OR51L1: variants seen among roughly 807,000 people sequenced by gnomAD.
OR51L1 encodes the protein olfactory receptor 51L1.
Under a neutral mutation model 1.4 loss-of-function variants are expected in OR51L1, and 1 was observed. The observed-to-expected ratio is 0.72, with a 90% CI of 0.26 to 3.42. The LOEUF is 3.42. OR51L1 is among the 30% of genes most tolerant of loss of function. OR51L1 has a pLI of 0.20. For synonymous variants in OR51L1, 156 were observed against 144.2 expected, an observed-to-expected ratio of 1.08 and a Z score of -0.59; for missense variants, 378 against 380.0, an observed-to-expected ratio of 0.99 and a Z score of 0.04.
Position 4,994,900 on chromosome 11 carries a change from T to G in OR51L1, c.-697T>G, listed in dbSNP as rs1847054203. On this transcript the variant is annotated 5_prime_UTR_variant, in exon 1 of 3. Transcript: ENST00000641819. ...TTCATAGAGACTTAAAATTGTAGCA[T>G]CTTTAATCAGTACAGGTTTGATTTT... 1 of 152,152 alleles carries G rather than the reference T, an allele frequency of 6.6e-6. No homozygotes were observed. Among genetic ancestry groups the G allele is most frequent in the Admixed American group, 6.6e-5 (1 of 15,252 alleles). 9.4% of individuals were successfully genotyped at this position (152,152 alleles called of 1,614,324 possible).
intron 2 of OR51L1, among the ~76,000 whole-genome samples, chr11:4,998,472 A>G (rs1055766657): frequency 6.6e-6 from 1 of 151,924 alleles, no homozygotes; most frequent in Admixed American, 6.6e-5. Flanking sequence ...AAATGTTTAA[A>G]TATTATAAAT....
In OR51L1 at chr11:4,994,998, A is replaced by G. The variant is rs1847054909; in HGVS notation, c.-599A>G. 1 of 152,240 alleles carries G rather than the reference A, an allele frequency of 6.6e-6. No homozygotes were observed. The highest frequency in any genetic ancestry group is 6.6e-5 in the Admixed American group (1 of 15,260). 9.4% of individuals were successfully genotyped at this position (152,240 alleles called of 1,614,324 possible). On this transcript the variant is annotated 5_prime_UTR_variant, in exon 1 of 3. Coordinates refer to ENST00000641819, the MANE Select transcript of OR51L1 (RefSeq NM_001004755.2). ...GCAGCAACTTAAACCACAGACACACAAAGAGAAATTAGAAGAAAGAAACAG... is the reference window on the plus strand; with the variant it reads ...GCAGCAACTTAAACCACAGACACACGAAGAGAAATTAGAAGAAAGAAACAG...
Position 4,999,938 on chromosome 11 carries a change from C to T in OR51L1, c.*8C>T, listed in dbSNP as rs765005152. ...CTAAGGAGGAGGTTTTAAGTAACCT[C>T]TGTCCTCCAACTTTTCCACTGAAAA... On this transcript the variant is annotated 3_prime_UTR_variant, in exon 3 of 3. Transcript: ENST00000641819. 3 of 1,581,752 alleles carry T rather than the reference C, an allele frequency of 1.9e-6. No homozygotes were observed. Among genetic ancestry groups the T allele is most frequent in the African/African-American group, 2.7e-5 (2 of 73,778 alleles).
chr11:5,004,791 G>T lies in OR51L1; in HGVS notation c.*4861G>T, dbSNP rs143734431. 1.6e-4 allele frequency: 24 copies of T among 152,228 alleles called. No individual in the cohort carries two copies. The East Asian group carries it at 4.6e-3, about 29-fold the overall frequency. The allele number at this position is 152,228 out of a possible 1,614,324, so 9.4% of individuals were successfully genotyped here. A position where few individuals can be genotyped will look rare whatever the true frequency, so the allele number is the denominator to read the frequency against. On this transcript the variant is annotated 3_prime_UTR_variant, in exon 3 of 3. Transcript: ENST00000641819. ...GATATTATCAATGATGTCCTTCTGT[G>T]TAATTTTTGAAAGTTGTAAGGCTTT... is the stretch of plus-strand genomic sequence containing the variant.
intron 1 of OR51L1, among the ~76,000 whole-genome samples, chr11:4,996,753 C>CTTTCTTTCTT (rs1847076066): frequency 3.1e-5 from 4 of 130,936 alleles, no homozygotes; most frequent in Non-Finnish European, 5.0e-5. Context: ...TTCTTTCTTT[C>CTTTCTTTCTT]TTTCTTTCTT....
chr11:5,000,994 C>T lies in OR51L1; in HGVS notation c.*1064C>T, dbSNP rs551833811. 6.6e-6 allele frequency: 1 copy of T among 152,254 alleles called. No homozygotes were observed. Among genetic ancestry groups the T allele is most frequent in the Non-Finnish European group, 1.5e-5 (1 of 68,112 alleles). The allele number at this position is 152,254 out of a possible 1,614,324, so 9.4% of individuals were successfully genotyped here. A position where few individuals can be genotyped will look rare whatever the true frequency, so the allele number is the denominator to read the frequency against. ...ATGGCGTGATCTCTGCTCACTGCAA[C>T]CTTCGCCTCCTAGGTTCAAGCAATT... On this transcript the variant is annotated 3_prime_UTR_variant, in exon 3 of 3. Coordinates refer to ENST00000641819, the MANE Select transcript of OR51L1 (RefSeq NM_001004755.2).
chr11:4,999,076 C>T lies in OR51L1; in HGVS notation c.94C>T (p.Leu32Phe). 1 of 1,614,112 alleles carries T rather than the reference C, an allele frequency of 6.2e-7. No individual in the cohort carries two copies. The highest frequency in any genetic ancestry group is 1.1e-5 in the South Asian group (1 of 91,082). ...LEYVHSWLSI[L>F]FCLAYLVAFM... Reference sequence around the variant, plus strand: ...GTATGTTCATTCTTGGCTCTCCATCCTCTTCTGTCTTGCATATTTGGTAGC... The same window carrying T: ...GTATGTTCATTCTTGGCTCTCCATCTTCTTCTGTCTTGCATATTTGGTAGC... The change falls in exon 3 of 3, where the codon CTC (leucine) becomes TTC (phenylalanine). Residue 32 changes from leucine (L) to phenylalanine (F), a missense_variant. By Grantham distance (22) the Leu-to-Phe change is conservative. Transcript: ENST00000641819.
rs974105262 is a variant in OR51L1, at chr11:5,002,960, T to G, written c.*3030T>G. ...CCAAGTCTCATGACATCAAATATAT[T>G]ACTGGTGGAAGGTATTCAAGTTACC... is the stretch of plus-strand genomic sequence containing the variant. On this transcript the variant is annotated 3_prime_UTR_variant, in exon 3 of 3. Coordinates refer to ENST00000641819, the MANE Select transcript of OR51L1 (RefSeq NM_001004755.2). 2 of 152,152 alleles carry G rather than the reference T, an allele frequency of 1.3e-5. No individual in the cohort carries two copies. The highest frequency in any genetic ancestry group is 2.4e-5 in the African/African-American group (1 of 41,424). The allele number at this position is 152,152 out of a possible 1,614,324, so 9.4% of individuals were successfully genotyped here. A position where few individuals can be genotyped will look rare whatever the true frequency, so the allele number is the denominator to read the frequency against.
Position 4,999,428 on chromosome 11 carries a change from C to T in OR51L1, c.446C>T (p.Ala149Val). ...TNSVIGKIGL[A>V]CLLRSLGVVL... ...AGTGTAATTGGCAAAATTGGTTTGGCCTGTTTGCTACGAAGCTTGGGAGTT... is the reference window on the plus strand; with the variant it reads ...AGTGTAATTGGCAAAATTGGTTTGGTCTGTTTGCTACGAAGCTTGGGAGTT... Residue 149 changes from alanine (A) to valine (V), a missense_variant, in exon 3 of 3, where the codon GCC (alanine) becomes GTC (valine). Physicochemically the swap from Ala to Val is moderately conservative, Grantham distance 64. Transcript: ENST00000641819. 1.9e-6 allele frequency: 3 copies of T among 1,614,162 alleles called. No homozygotes were observed. The highest frequency in any genetic ancestry group is 2.5e-6 in the Non-Finnish European group (3 of 1,180,030).
At position 5,001,971 on chromosome 11, in the gene OR51L1, G is replaced by T. The variant is rs1344143934; in HGVS notation, c.*2041G>T. ...GTAATCAATGGTATTATTGGAACAGGTACCTTTTATAATATTGATATATTA... is the reference window on the plus strand; with the variant it reads ...GTAATCAATGGTATTATTGGAACAGTTACCTTTTATAATATTGATATATTA... On this transcript the variant is annotated 3_prime_UTR_variant, in exon 3 of 3. Coordinates refer to ENST00000641819, the MANE Select transcript of OR51L1 (RefSeq NM_001004755.2). The T allele has an allele frequency of 6.6e-6, 1 of 152,122 alleles. No homozygotes were observed. Among genetic ancestry groups the T allele is most frequent in the East Asian group, 1.9e-4 (1 of 5,194 alleles). The allele number at this position is 152,122 out of a possible 1,614,324, so 9.4% of individuals were successfully genotyped here.
chr11:4,996,707 CTTCCTTTCTTTTCT>C (rs1564822193), intron 1 of OR51L1, among the ~76,000 whole-genome samples: 1 of 110,650 alleles, frequency 9.0e-6, no homozygotes, highest in African/African-American at 3.4e-5. Context: ...CTTTTCCTTC[CTTCCTTTCTTTTCT>C]TTTCTTTCTT....
Position 5,002,243 on chromosome 11 carries a change from TTATATA to T in OR51L1, c.*2315_*2320del, listed in dbSNP as rs1435775453. On this transcript the variant is annotated 3_prime_UTR_variant, in exon 3 of 3. Coordinates refer to ENST00000641819, the MANE Select transcript of OR51L1 (RefSeq NM_001004755.2). ...TTTAAACCACAGAAATTGGTAAACA[TTATATA>T]TCAGGACTTGAAATTTTTTCTTAGA... The T allele has an allele frequency of 6.6e-6, 1 of 152,172 alleles. No individual in the cohort carries two copies. The highest frequency in any genetic ancestry group is 1.5e-5 in the Non-Finnish European group (1 of 68,026). 9.4% of individuals were successfully genotyped at this position (152,172 alleles called of 1,614,324 possible).
chr11:4,996,804 CCT>C (rs911119562), intron 1 of OR51L1, among the ~76,000 whole-genome samples: 1 of 137,486 alleles, frequency 7.3e-6, no homozygotes, highest in African/African-American at 2.7e-5. Context: ...TTCTCTCCTC[CCT>C]CTCTCTCACT....
intron 1 of OR51L1, among the ~76,000 whole-genome samples, chr11:4,996,726 TTTC>T (rs528678513): frequency 0.046 from 3,061 of 67,000 alleles, 39 homozygotes; most frequent in South Asian, 0.12. Context: ...TTTTCTTTTC[TTTC>T]TTTCTTTCTT....
rs1847097109 is a variant in OR51L1 at position 4,998,925 on chromosome 11, G to A, written c.-58G>A. ...GTACTCAAAAGAGATAACTTTGAGGGATCAGGAAGGAAAACACGAACCATT... is the reference window on the plus strand; with the variant it reads ...GTACTCAAAAGAGATAACTTTGAGGAATCAGGAAGGAAAACACGAACCATT... On this transcript the variant is annotated 5_prime_UTR_variant, in exon 3 of 3. Coordinates refer to ENST00000641819, the MANE Select transcript of OR51L1 (RefSeq NM_001004755.2). 1.3e-6 allele frequency: 2 copies of A among 1,553,356 alleles called. No individual in the cohort carries two copies. Among genetic ancestry groups the A allele is most frequent in the East Asian group, 2.3e-5 (1 of 44,348 alleles).
chr11:4,998,047 A>G (rs912247778), intron 2 of OR51L1, among the ~76,000 whole-genome samples: 2 of 152,208 alleles, frequency 1.3e-5, no homozygotes, highest in Non-Finnish European at 2.9e-5. Flanking sequence ...TCTTTTACTG[A>G]AAACATGTAA....
rs557276405 is a variant in OR51L1, at chr11:5,005,278, C to T, written c.*5348C>T. On this transcript the variant is annotated 3_prime_UTR_variant, in exon 3 of 3. Transcript: ENST00000641819. ...TTCTTCACCTACCCAGAGACGACTA[C>T]ATGATTGAGTCTTCCTTTACTCCCT... is the stretch of plus-strand genomic sequence containing the variant. The T allele has an allele frequency of 6.6e-6, 1 of 152,326 alleles. No homozygotes were observed. The highest frequency in any genetic ancestry group is 2.1e-4 in the South Asian group (1 of 4,830). 9.4% of individuals were successfully genotyped at this position (152,326 alleles called of 1,614,324 possible).
At position 5,005,389 on chromosome 11, in the gene OR51L1, C is replaced by G. The variant is rs1203673726; in HGVS notation, c.*5459C>G. On this transcript the variant is annotated 3_prime_UTR_variant, in exon 3 of 3. Coordinates refer to ENST00000641819, the MANE Select transcript of OR51L1 (RefSeq NM_001004755.2). The stretch of plus-strand genomic sequence containing the variant: ...AAGTCTCAGGAATGTAACTATTTCC[C>G]CTACTGCCCAACCTACATGCCTCCC... The G allele has an allele frequency of 6.6e-6, 1 of 152,144 alleles. No homozygotes were observed. The highest frequency in any genetic ancestry group is 2.4e-5 in the African/African-American group (1 of 41,418). The allele number at this position is 152,144 out of a possible 1,614,324, so 9.4% of individuals were successfully genotyped here.
At position 5,000,048 on chromosome 11, in the gene OR51L1, A is replaced by G; in HGVS notation, c.*118A>G. On this transcript the variant is annotated 3_prime_UTR_variant, in exon 3 of 3. Transcript: ENST00000641819. ...TAAAATCCTAATTCTTTCACTTCTTATACATGTAATTTCAGTTAATCTTTA... is the reference window on the plus strand; with the variant it reads ...TAAAATCCTAATTCTTTCACTTCTTGTACATGTAATTTCAGTTAATCTTTA... The G allele has an allele frequency of 9.7e-7, 1 of 1,032,428 alleles. No individual in the cohort carries two copies. The highest frequency in any genetic ancestry group is 1.6e-5 in the African/African-American group (1 of 62,068). The allele number at this position is 1,032,428 out of a possible 1,614,324, so 64.0% of individuals were successfully genotyped here. A position where few individuals can be genotyped will look rare whatever the true frequency, so the allele number is the denominator to read the frequency against.
Sources: allele counts gnomAD v4.1 joint callset (sites outside exome capture counted in the v4.1 genomes callset), GRCh38; gene constraint gnomAD v4.1.1; transcripts MANE v1.5; gene names NCBI Gene and HGNC (gene_info 2026-07-23, HGNC 2026-07-21).